Variants in RRN3 observed in about 807,000 individuals in gnomAD.
RRN3 encodes RNA polymerase I transcription factor RRN3.
In RRN3, 38 loss-of-function variants were observed where a neutral mutation model predicts 82.3. That is an observed-to-expected ratio of 0.46 (90% CI 0.36 to 0.61). The LOEUF (loss-of-function observed/expected upper bound fraction) is 0.61, where lower values mean the gene tolerates loss of function less well. Ranked by LOEUF, RRN3 falls within the 20% of genes least tolerant of loss-of-function variation. The probability of loss-of-function intolerance (pLI) is 0.00; values close to 1 mark genes in which losing one functional copy is unlikely to be tolerated. For missense variants in RRN3, 726 were observed against 793.1 expected (o/e 0.92, Z 1.02); for synonymous variants, 284 against 284.3 (o/e 1.00, Z 0.01).
chr16:15,072,509 A>T (rs901749357), intron 12 of RRN3, among the ~76,000 whole-genome samples: 8 of 152,074 alleles, frequency 5.3e-5, no homozygotes, highest in Non-Finnish European at 1.2e-4. Context: ...GTGTACTGAG[A>T]AGGGAACGTG....
In RRN3 at chr16:15,079,959, T is replaced by C. The variant is rs759890022; in HGVS notation, c.765+39A>G. 1.9e-6 allele frequency: 3 copies of C among 1,540,502 alleles called. No individual in the cohort carries two copies. In the South Asian group the frequency reaches 3.6e-5, roughly 19 times the overall value. On this transcript the variant is annotated intron_variant, in intron 9 of 17. Transcript: ENST00000198767. Reference sequence around the variant, plus strand: ...ATACTGTGATTATAACAAATTCAAGTCAGTAAATGAAAATAAAAATAGATT... The same window carrying C: ...ATACTGTGATTATAACAAATTCAAGCCAGTAAATGAAAATAAAAATAGATT...
chr16:15,066,664 C>A (rs1192405557), intron 15 of RRN3, among the ~76,000 whole-genome samples: 2 of 148,564 alleles, frequency 1.3e-5, no homozygotes, highest in East Asian at 2.0e-4. Flanking sequence ...CAAAAACTAA[C>A]AGATGAAATC....
chr16:15,093,072 T>C (rs532267675), intron 1 of RRN3, among the ~76,000 whole-genome samples: 3 of 152,276 alleles, frequency 2.0e-5, no homozygotes, highest in African/African-American at 7.2e-5. Context: ...GGTGTGATCT[T>C]GGCTTAACTG....
At chr16:15,062,724 A>C (rs2941260) in intron 17 of RRN3, among the ~76,000 whole-genome samples, 100,216 of 152,134 alleles carry the variant, frequency 0.66, 34,675 homozygotes, top group Non-Finnish European at 0.76. Context: ...GCTAATTTGT[A>C]ATTAACCTTC....
intron 3 of RRN3, among the ~76,000 whole-genome samples, chr16:15,091,033 G>A (rs1336634390): frequency 1.3e-5 from 2 of 152,254 alleles, no homozygotes; most frequent in East Asian, 3.9e-4. Flanking sequence ...CTTGGTTCTG[G>A]GAGGCTGTCC....
rs995072262 is a variant in RRN3, at chr16:15,061,361, T to C, written c.*383A>G. On this transcript the variant is annotated 3_prime_UTR_variant, in exon 18 of 18. Transcript: ENST00000198767. ...GCTCATCAGTCAAGTCCTAAGACCA[T>C]GGATCTGACAAAAACCCATGTTAAA... is the stretch of plus-strand genomic sequence containing the variant. 8 of 198,420 alleles carry C rather than the reference T, an allele frequency of 4.0e-5. No homozygotes were observed. The highest frequency in any genetic ancestry group is 6.0e-5 in the Admixed American group (1 of 16,716). The allele number at this position is 198,420 out of a possible 1,614,324, so 12.3% of individuals were successfully genotyped here. A position where few individuals can be genotyped will look rare whatever the true frequency, so the allele number is the denominator to read the frequency against.
At position 15,083,525 on chromosome 16, in the gene RRN3, T is replaced by C; in HGVS notation, c.654A>G (p.Ser218=). ...LVEKFPFVRK[S]ERTLECYVHN... is the part of the protein sequence containing the mutation. ...AAAGATTTCTTACCAGTGTTCTCTC[T>C]GATTTTCGAACAAATGGAAATTTTT... Residue 218 remains serine, a synonymous_variant, in exon 8 of 18, where the codon TCA becomes TCG. Transcript: ENST00000198767. 1 of 1,608,884 alleles carries C rather than the reference T, an allele frequency of 6.2e-7. No individual in the cohort carries two copies.
intron 17 of RRN3, among the ~76,000 whole-genome samples, chr16:15,062,806 TAAC>T (rs1343504529): frequency 6.6e-6 from 1 of 152,212 alleles, no homozygotes; most frequent in African/African-American, 2.4e-5. Context: ...ACTCTTTAAA[TAAC>T]AACAAAACCT....
In RRN3 at chr16:15,090,239, T is replaced by TA. The variant is rs937953528; in HGVS notation, c.252+1075dup. 1.4e-3 allele frequency among the ~76,000 whole-genome samples: 205 copies of TA among 147,382 alleles called. 1 individual carries two copies. Among genetic ancestry groups the TA allele is most frequent in the African/African-American group, 4.0e-3 (161 of 40,256 alleles). On this transcript the variant is annotated intron_variant, in intron 3 of 17. Coordinates refer to ENST00000198767, the MANE Select transcript of RRN3 (RefSeq NM_018427.5). ...AAAAAAGTCCACTGAAATCAGCATG[T>TA]AAAAAAAAAACATGGGTAACCTGTC...
intron 3 of RRN3, 46 bp downstream of exon 3, chr16:15,091,269 T>C: frequency 2.5e-6 from 4 of 1,605,072 alleles, no homozygotes; most frequent in Non-Finnish European, 3.4e-6. Context: ...TATGTCTGTA[T>C]ACAGTGGCAA....
chr16:15,076,980 CTTT>C (rs11419800), intron 9 of RRN3, among the ~76,000 whole-genome samples: 1 of 143,908 alleles, frequency 6.9e-6, no homozygotes. Context: ...ACCCAAATCA[CTTT>C]TTTTTTTTTT....
chr16:15,083,437 A>G, intron 8 of RRN3, 76 bp downstream of exon 8: 2 of 1,577,246 alleles, frequency 1.3e-6, no homozygotes, highest in South Asian at 2.4e-5. Flanking sequence ...AAAAGAAAGA[A>G]AAAGACCTAA....
chr16:15,067,786 C>G (rs2045040487), intron 15 of RRN3, among the ~76,000 whole-genome samples: 1 of 152,096 alleles, frequency 6.6e-6, no homozygotes. Context: ...GAGACAGGGT[C>G]TCATTCTGGA....
At chr16:15,082,553 G>C (rs1164717199) in intron 8 of RRN3, among the ~76,000 whole-genome samples, 1 of 151,950 alleles carries the variant, frequency 6.6e-6, no homozygotes, top group East Asian at 1.9e-4. Flanking sequence ...CATGTCTATA[G>C]TCCCACCTAC....
intron 2 of RRN3, 22 bp from the exon 3 acceptor site, chr16:15,091,393 T>C (rs1182547956): frequency 6.5e-7 from 1 of 1,546,510 alleles, no homozygotes; most frequent in African/African-American, 1.4e-5. Flanking sequence ...GGGGAAAGAA[T>C]TAAGTTATGC....
At chr16:15,079,855 C>G in intron 9 of RRN3, 143 bp downstream of exon 9, 2 of 950,126 alleles carry the variant, frequency 2.1e-6, no homozygotes, top group East Asian at 6.3e-5. Flanking sequence ...CCTCGGCCTC[C>G]CAAAGTGCTG....
rs1035417723 is a variant in RRN3, at chr16:15,070,170, G to A, written c.1344C>T (p.Cys448=). The part of the protein sequence containing the change: ...NNQDSGTKAF[C]DVALHGPFYS... ...AAAATGGTCCATGGAGAGCAACATC[G>A]CAGAATGCCTTTGTTCCCGAATCCT... is the stretch of plus-strand genomic sequence containing the variant. The change falls in exon 14 of 18, where the codon TGC becomes TGT. Residue 448 remains cysteine, a synonymous_variant. Transcript: ENST00000198767. 1.6e-5 allele frequency: 25 copies of A among 1,609,454 alleles called. No individual in the cohort carries two copies. Among genetic ancestry groups the A allele is most frequent in the South Asian group, 6.6e-5 (6 of 90,768 alleles).
In RRN3 at chr16:15,061,633, C is replaced by G; in HGVS notation, c.*111G>C. 5.1e-6 allele frequency: 5 copies of G among 978,378 alleles called. No homozygotes were observed. In the South Asian group the frequency reaches 7.7e-5, roughly 15 times the overall value. 60.6% of individuals were successfully genotyped at this position (978,378 alleles called of 1,614,324 possible). A position where few individuals can be genotyped will look rare whatever the true frequency, so the allele number is the denominator to read the frequency against. ...CTGGAAGTGCCACAGCCGAGGCAGG[C>G]ACTCGCTCTAGTTCAATGCCATCAA... On this transcript the variant is annotated 3_prime_UTR_variant, in exon 18 of 18. Transcript: ENST00000198767.
intron 15 of RRN3, 89 bp from the exon 16 acceptor site, chr16:15,065,460 AC>A: frequency 9.0e-7 from 1 of 1,105,700 alleles, no homozygotes; most frequent in South Asian, 1.7e-5. Context: ...AACTGTACCT[AC>A]CACAGAGAAA....
Sources: gnomAD v4.1 joint callset for allele counts (sites outside exome capture counted in the v4.1 genomes callset) on GRCh38, gnomAD v4.1.1 for gene constraint, MANE v1.5 for transcripts, NCBI Gene and HGNC (gene_info 2026-07-23, HGNC 2026-07-21) for gene names.